The following PRPSAP2 variants were observed in gnomAD, a reference collection of about 807,000 sequenced individuals.
PRPSAP2 encodes phosphoribosyl pyrophosphate synthase-associated protein 2.
PRPSAP2 carries 24 observed loss-of-function variants against 40.6 expected under a neutral mutation model. The observed-to-expected ratio is 0.59, with a 90% CI of 0.43 to 0.83. The LOEUF is 0.83. Ranked by LOEUF, PRPSAP2 falls within the 40% of genes least tolerant of loss-of-function variation. PRPSAP2 has a pLI of 0.00. For synonymous variants in PRPSAP2, 149 were observed against 164.7 expected, an observed-to-expected ratio of 0.90 and a Z score of 0.73; for missense variants, 292 against 465.6, an observed-to-expected ratio of 0.63 and a Z score of 3.43.
intron 8 of PRPSAP2, among the ~76,000 whole-genome samples, chr17:18,905,690 C>T (rs369404691): frequency 9.2e-5 from 14 of 152,200 alleles, no homozygotes; most frequent in African/African-American, 3.1e-4. Context: ...AGTGATTCTC[C>T]CACCTCAGCC....
intron 8 of PRPSAP2, among the ~76,000 whole-genome samples, chr17:18,902,911 C>G (rs1362475421): frequency 6.6e-6 from 1 of 151,430 alleles, no homozygotes; most frequent in Non-Finnish European, 1.5e-5. Context: ...ACTTGCCCCC[C>G]TCCACTCAGT....
chr17:18,864,934 C>G (rs1374348823), intron 1 of PRPSAP2: 1 of 152,206 alleles, frequency 6.6e-6, no homozygotes, highest in Non-Finnish European at 1.5e-5. Flanking sequence ...GCAACCTCTG[C>G]CTCCCAGGTT....
chr17:18,868,390 G>A (rs1352111159), intron 4 of PRPSAP2, among the ~76,000 whole-genome samples: 2 of 151,816 alleles, frequency 1.3e-5, no homozygotes, highest in African/African-American at 2.4e-5. Flanking sequence ...CAGGAGAATC[G>A]CTTGAACCCG....
At chr17:18,922,916 C>T (rs1194596994) in intron 9 of PRPSAP2, among the ~76,000 whole-genome samples, 1 of 151,386 alleles carries the variant, frequency 6.6e-6, no homozygotes, top group Non-Finnish European at 1.5e-5. Flanking sequence ...CTCAGGCAGG[C>T]AATCTGTCCA....
chr17:18,882,653 T>A lies in PRPSAP2; in HGVS notation c.498T>A (p.Ser166=). 2 of 1,597,960 alleles carry A rather than the reference T, an allele frequency of 1.3e-6. No homozygotes were observed. Among genetic ancestry groups the A allele is most frequent in the Non-Finnish European group, 8.6e-7 (1 of 1,165,382 alleles). Residue 166 remains serine, a synonymous_variant, in exon 7 of 12, where the codon TCT becomes TCA. Coordinates refer to ENST00000268835, the MANE Select transcript of PRPSAP2 (RefSeq NM_002767.4). ...FNIPVDNLRA[S]PFLLQYIQEE... ...TTCCTGTTGACAATTTAAGAGCATC[T>A]CCCTTCTTATTACAGTATATTCAAG...
chr17:18,911,348 T>TTTA lies in PRPSAP2; in HGVS notation c.733+97_733+98insTTA, dbSNP rs55971101. On this transcript the variant is annotated intron_variant, in intron 9 of 11. Transcript: ENST00000268835. The surrounding 1 kb of genome is among the most constrained non-coding windows in gnomAD (Gnocchi z 4.5). Reference sequence around the variant, plus strand: ...TTTTTCCTCATTCTTCGTTTTTTTTTAGTTGGCAAAAACTCATTAACACCT... The same window carrying TTTA: ...TTTTTCCTCATTCTTCGTTTTTTTTTTTAAGTTGGCAAAAACTCATTAACACCT... 0.013 allele frequency: 14,737 copies of TTTA among 1,178,276 alleles called. No individual in the cohort carries two copies. The highest frequency in any genetic ancestry group is 0.017 in the South Asian group (851 of 49,272). The allele number at this position is 1,178,276 out of a possible 1,614,324, so 73.0% of individuals were successfully genotyped here.
chr17:18,865,978 T>A (rs2037395211), intron 3 of PRPSAP2, 26 bp downstream of exon 3: 2 of 1,358,456 alleles, frequency 1.5e-6, no homozygotes, highest in Non-Finnish European at 1.9e-6. Context: ...ACCATTAAAA[T>A]CTATATTCAT....
Position 18,915,067 on chromosome 17 carries a change from C to T in PRPSAP2, c.733+3816C>T, listed in dbSNP as rs1273520129. ...TGAGACAGTGTTTTACTCTCTTGCT[C>T]AGGCTGGAGTGCAGTGGTGTGATCA... On this transcript the variant is annotated intron_variant, in intron 9 of 11. Coordinates refer to ENST00000268835, the MANE Select transcript of PRPSAP2 (RefSeq NM_002767.4). 2.8e-5 allele frequency among the ~76,000 whole-genome samples: 4 copies of T among 145,154 alleles called. No individual in the cohort carries two copies. The East Asian group carries it at 8.0e-4, about 29-fold the overall frequency.
At chr17:18,887,751 C>T (rs1177539974) in intron 7 of PRPSAP2, among the ~76,000 whole-genome samples, 2 of 152,030 alleles carry the variant, frequency 1.3e-5, no homozygotes, top group African/African-American at 4.8e-5. Context: ...TGCTGTTAAG[C>T]CAGCCAGCTA....
At chr17:18,905,839 T>C (rs2040553545) in intron 8 of PRPSAP2, among the ~76,000 whole-genome samples, 1 of 152,240 alleles carries the variant, frequency 6.6e-6, no homozygotes, top group Non-Finnish European at 1.5e-5. Flanking sequence ...CGCCTCGGCC[T>C]CCCAAAGTGC....
intron 8 of PRPSAP2, among the ~76,000 whole-genome samples, chr17:18,909,418 AT>A (rs376420823): frequency 1.3e-5 from 2 of 151,364 alleles, no homozygotes; most frequent in East Asian, 3.9e-4. Context: ...ATTTTTTTGT[AT>A]TTTTTTAGTA....
chr17:18,872,708 A>T, intron 5 of PRPSAP2, 59 bp downstream of exon 5: 1 of 1,238,042 alleles, frequency 8.1e-7, no homozygotes, highest in East Asian at 2.3e-5. Context: ...AGTGTTTAAA[A>T]TAATGATAGA....
At chr17:18,863,163 C>A (rs915375724) in intron 1 of PRPSAP2, among the ~76,000 whole-genome samples, 13 of 151,920 alleles carry the variant, frequency 8.6e-5, no homozygotes, top group African/African-American at 3.1e-4. Context: ...GACGAGGTCG[C>A]ATTCCCATCG....
In PRPSAP2 at chr17:18,911,027, A is replaced by G. The variant is rs1464356481; in HGVS notation, c.585-76A>G. On this transcript the variant is annotated intron_variant, in intron 8 of 11. Coordinates refer to ENST00000268835, the MANE Select transcript of PRPSAP2 (RefSeq NM_002767.4). The surrounding 1 kb of genome is among the most constrained non-coding windows in gnomAD (Gnocchi z 4.5). Reference sequence around the variant, plus strand: ...GACAACATTCTACTTATGTTCTCTTAATGTTTTGTCCCCTAGGCATTAGCA... The same window carrying G: ...GACAACATTCTACTTATGTTCTCTTGATGTTTTGTCCCCTAGGCATTAGCA... The G allele has an allele frequency of 2.8e-6, 4 of 1,442,268 alleles. No individual in the cohort carries two copies. The highest frequency in any genetic ancestry group is 3.7e-6 in the Non-Finnish European group (4 of 1,081,684). The allele number at this position is 1,442,268 out of a possible 1,614,324, so 89.3% of individuals were successfully genotyped here. A position where few individuals can be genotyped will look rare whatever the true frequency, so the allele number is the denominator to read the frequency against.
chr17:18,901,956 C>T (rs974394702), intron 8 of PRPSAP2, among the ~76,000 whole-genome samples: 5 of 152,012 alleles, frequency 3.3e-5, no homozygotes, highest in Admixed American at 2.6e-4. Context: ...TGGTTTTTTC[C>T]TTATTTTTGT....
At chr17:18,879,894 T>TG (rs1567689344) in intron 6 of PRPSAP2, among the ~76,000 whole-genome samples, 12 of 212 alleles carry the variant, frequency 0.057, no homozygotes, top group African/African-American at 0.15. Flanking sequence ...GGTTGGGAGT[T>TG]CAGAGCAGCC....
intron 4 of PRPSAP2, among the ~76,000 whole-genome samples, chr17:18,871,243 C>T (rs1282201127): frequency 6.6e-6 from 1 of 151,720 alleles, no homozygotes; most frequent in African/African-American, 2.4e-5. Flanking sequence ...TAGCCTTAAA[C>T]ACCTAACCTC....
At chr17:18,905,233 C>A (rs2040510025) in intron 8 of PRPSAP2, among the ~76,000 whole-genome samples, 1 of 152,036 alleles carries the variant, frequency 6.6e-6, no homozygotes, top group Non-Finnish European at 1.5e-5. Flanking sequence ...ACCACGTTGG[C>A]CAGGCTGGTC....
chr17:18,882,529 CAA>C, intron 6 of PRPSAP2, 37 bp from the exon 7 acceptor site: 1 of 1,301,190 alleles, frequency 7.7e-7, no homozygotes, highest in Non-Finnish European at 1.1e-6. Flanking sequence ...AAAACAAAAA[CAA>C]AACTATTTAT....
Sources: allele counts gnomAD v4.1 joint callset (sites outside exome capture counted in the v4.1 genomes callset), GRCh38; gene constraint gnomAD v4.1.1; non-coding constraint Gnocchi (gnomAD v3.1); transcripts MANE v1.5; gene names NCBI Gene and HGNC (gene_info 2026-07-23, HGNC 2026-07-21).